NAAA: variants seen among roughly 807,000 people sequenced by gnomAD.
NAAA encodes N-acylethanolamine acid amidase.
Under a neutral mutation model 44.8 loss-of-function variants are expected in NAAA, and 39 were observed. The observed-to-expected ratio is 0.87, with a 90% confidence interval of 0.67 to 1.14. The LOEUF (loss-of-function observed/expected upper bound fraction) is 1.14, where lower values mean the gene tolerates loss of function less well. Ranked by LOEUF, NAAA falls within the 50% of genes most tolerant of loss-of-function variation. NAAA has a pLI of 0.00. For synonymous variants in NAAA, 178 were observed against 191.3 expected (o/e 0.93, Z 0.58); for missense variants, 460 against 467.8 (o/e 0.98, Z 0.15).
At chr4:75,929,736 C>T (rs545079740) in intron 4 of NAAA, among the ~76,000 whole-genome samples, 35 of 152,270 alleles carry the variant, frequency 2.3e-4, no homozygotes, top group African/African-American at 8.2e-4. Context: ...TTACTGTGGA[C>T]ACTGATATAT....
downstream of NAAA, among the ~76,000 whole-genome samples, chr4:75,910,799 G>C (rs1335150288): frequency 6.6e-6 from 1 of 152,154 alleles, no homozygotes. Context: ...ACGTGACACT[G>C]TTATCACTGT....
chr4:75,919,000 T>C (rs966521622), intron 8 of NAAA, among the ~76,000 whole-genome samples: 2 of 151,864 alleles, frequency 1.3e-5, no homozygotes, highest in African/African-American at 4.8e-5. Context: ...AAAAAAAGAA[T>C]GTCTGTAGAA....
At chr4:75,918,817 G>C in intron 8 of NAAA, 28 bp from the exon 9 acceptor site, 1 of 1,596,660 alleles carries the variant, frequency 6.3e-7, no homozygotes, top group South Asian at 1.1e-5. Context: ...ATTTTATAGA[G>C]AAGATTACAT....
chr4:75,940,944 C>A lies in NAAA; in HGVS notation c.6G>T (p.Arg2=). The change falls in exon 1 of 11, where the codon CGG becomes CGT. Residue 2 remains arginine (R), a synonymous_variant. Coordinates refer to ENST00000286733, the MANE Select transcript of NAAA (RefSeq NM_014435.4). M[R]TADREARPGL... ...CCGGGCGCGCCTCCCGGTCCGCGGT[C>A]CGCATGGCTCGGGCTCCAGCGGCCG... 1 of 1,493,124 alleles carries A rather than the reference C, an allele frequency of 6.7e-7. No homozygotes were observed. The highest frequency in any genetic ancestry group is 1.3e-5 in the South Asian group (1 of 78,708). The allele number at this position is 1,493,124 out of a possible 1,614,324, so 92.5% of individuals were successfully genotyped here. A position where few individuals can be genotyped will look rare whatever the true frequency, so the allele number is the denominator to read the frequency against.
chr4:75,929,999 G>A (rs1261267314), intron 4 of NAAA, among the ~76,000 whole-genome samples: 2 of 152,124 alleles, frequency 1.3e-5, no homozygotes, highest in Admixed American at 6.5e-5. Flanking sequence ...TGAGGCATGA[G>A]AATCGGCTGA....
intron 8 of NAAA, 110 bp downstream of exon 8, chr4:75,919,798 AC>A: frequency 1.8e-6 from 2 of 1,106,878 alleles, no homozygotes. Context: ...ACCAAATAAA[AC>A]TTTTACCCTA....
chr4:75,935,856 C>T (rs1727658094), intron 3 of NAAA: 5 of 556,942 alleles, frequency 9.0e-6, no homozygotes, highest in Non-Finnish European at 1.6e-5. Flanking sequence ...TGATTGATCA[C>T]TCTCTAAAAG....
chr4:75,930,226 C>T (rs1727108174), intron 4 of NAAA, among the ~76,000 whole-genome samples: 2 of 149,376 alleles, frequency 1.3e-5, no homozygotes, highest in African/African-American at 2.4e-5. Flanking sequence ...TTCAGCTGCA[C>T]GCTGAGGACA....
At chr4:75,929,534 G>A (rs1326571056) in intron 4 of NAAA, among the ~76,000 whole-genome samples, 1 of 152,172 alleles carries the variant, frequency 6.6e-6, no homozygotes, top group Non-Finnish European at 1.5e-5. Flanking sequence ...TACTAATCAA[G>A]TTTGGTAAAC....
chr4:75,936,572 T>C (rs936323985), intron 2 of NAAA, among the ~76,000 whole-genome samples: 5 of 152,216 alleles, frequency 3.3e-5, no homozygotes, highest in African/African-American at 1.2e-4. Context: ...TGAACTCTGC[T>C]TTTTCCTCTG....
intron 3 of NAAA, chr4:75,935,104 G>C (rs1444192239): frequency 6.6e-6 from 1 of 152,068 alleles, no homozygotes. Context: ...CATTTTTAAA[G>C]TAATTCAGCT....
intron 9 of NAAA, chr4:75,916,368 T>C (rs74802849): frequency 2.6e-5 from 4 of 152,330 alleles, no homozygotes; most frequent in African/African-American, 9.6e-5. Context: ...TCCATGGTGA[T>C]TGTCACTTAA....
intron 5 of NAAA, among the ~76,000 whole-genome samples, chr4:75,923,135 T>C (rs1294076915): frequency 6.6e-6 from 1 of 152,122 alleles, no homozygotes; most frequent in Non-Finnish European, 1.5e-5. Flanking sequence ...CCTGAACTCC[T>C]GGGCAGAAGG....
intron 2 of NAAA, among the ~76,000 whole-genome samples, chr4:75,939,141 C>A (rs1188107264): frequency 6.6e-6 from 1 of 152,104 alleles, no homozygotes; most frequent in African/African-American, 2.4e-5. Flanking sequence ...GCGTGAGCCA[C>A]CGCGCCCAGC....
chr4:75,934,988 GAATA>G (rs1369267615), intron 3 of NAAA: 2 of 149,436 alleles, frequency 1.3e-5, no homozygotes, highest in African/African-American at 5.1e-5. Context: ...GAAAAAACAT[GAATA>G]AATAATAAAT....
intron 3 of NAAA, among the ~76,000 whole-genome samples, chr4:75,931,673 A>G (rs190297461): frequency 6.6e-6 from 1 of 152,342 alleles, no homozygotes; most frequent in East Asian, 1.9e-4. Flanking sequence ...CACATACACA[A>G]TGTTGGCTGC....
chr4:75,914,632 G>C (rs1578029326), intron 10 of NAAA, among the ~76,000 whole-genome samples: 1 of 152,062 alleles, frequency 6.6e-6, no homozygotes, highest in East Asian at 1.9e-4. Flanking sequence ...GCCTGCCTCT[G>C]CCTCTCAAAG....
At position 75,920,948 on chromosome 4, in the gene NAAA, T is replaced by C; in HGVS notation, c.839+3A>G. The C allele has an allele frequency of 6.2e-7, 1 of 1,613,776 alleles. No homozygotes were observed. The stretch of plus-strand genomic sequence containing the variant: ...AATGACCAGAGCTTTCAATTCTACT[T>C]ACGCTCCATTCAAAGGATCTAGAGG... On this transcript the variant is annotated splice_donor_region_variant and intron_variant, in intron 6 of 10. Coordinates refer to ENST00000286733, the MANE Select transcript of NAAA (RefSeq NM_014435.4).
At chr4:75,915,157 A>G (rs1725525317) in intron 9 of NAAA, among the ~76,000 whole-genome samples, 172 bp from the exon 10 acceptor site, 1 of 152,128 alleles carries the variant, frequency 6.6e-6, no homozygotes, top group African/African-American at 2.4e-5. Flanking sequence ...TCCTATTTTG[A>G]CAACACTGTG....
Sources: allele counts gnomAD v4.1 joint callset (sites outside exome capture counted in the v4.1 genomes callset), GRCh38; gene constraint gnomAD v4.1.1; transcripts MANE v1.5; gene names NCBI Gene and HGNC (gene_info 2026-07-23, HGNC 2026-07-21).